The following SLC6A16 variants were observed in gnomAD, a reference collection of about 807,000 sequenced individuals.
SLC6A16 encodes orphan sodium- and chloride-dependent neurotransmitter transporter NTT5.
Under a neutral mutation model 65.4 loss-of-function variants are expected in SLC6A16, and 54 were observed. The ratio of observed to expected loss-of-function variants is 0.83; its 90% CI spans 0.66 to 1.04. The LOEUF (loss-of-function observed/expected upper bound fraction) is 1.04, where lower values mean the gene tolerates loss of function less well. Among genes scored for constraint, SLC6A16 ranks in the 50% least tolerant of loss-of-function variants. The probability of loss-of-function intolerance (pLI) is 0.00; values close to 1 mark genes in which losing one functional copy is unlikely to be tolerated. For synonymous variants in SLC6A16, 330 were observed against 346.5 expected, an observed-to-expected ratio of 0.95 and a Z score of 0.53; for missense variants, 816 against 914.0, an observed-to-expected ratio of 0.89 and a Z score of 1.38.
intron 1 of SLC6A16, among the ~76,000 whole-genome samples, chr19:49,318,580 T>TA (rs1369467276): frequency 6.6e-6 from 1 of 152,136 alleles, no homozygotes; most frequent in Non-Finnish European, 1.5e-5. Flanking sequence ...ACAGAAATGA[T>TA]AGACTAATGG....
chr19:49,316,184 A>T (rs1970610649), intron 1 of SLC6A16, among the ~76,000 whole-genome samples: 2 of 152,308 alleles, frequency 1.3e-5, no homozygotes, highest in East Asian at 1.9e-4. Context: ...TTATAAAATA[A>T]TTTTTTAAAT....
At chr19:49,325,967 G>A (rs1049296527), upstream of SLC6A16, among the ~76,000 whole-genome samples, 1 of 151,650 alleles carries the variant, frequency 6.6e-6, no homozygotes, top group African/African-American at 2.4e-5. Flanking sequence ...TTCGAGACTA[G>A]CTTGGCCAAC....
chr19:49,294,605 GTCT>G lies in SLC6A16; in HGVS notation c.1230-55_1230-53del, dbSNP rs372774497. The G allele has an allele frequency of 7.7e-4, 1,102 of 1,433,610 alleles. 2 individuals carry two copies. In the African/African-American group the frequency reaches 0.015, roughly 19 times the overall value. 88.8% of individuals were successfully genotyped at this position (1,433,610 alleles called of 1,614,324 possible). Reference sequence around the variant, plus strand: ...GAACCATTTGGCCCAGTAGGAGATAGTCTCCTTTTCCCTTATCTTCAAGATAAA... The same window carrying G: ...GAACCATTTGGCCCAGTAGGAGATAGCCTTTTCCCTTATCTTCAAGATAAA... On this transcript the variant is annotated intron_variant, in intron 7 of 11. Coordinates refer to ENST00000335875, the MANE Select transcript of SLC6A16 (RefSeq NM_014037.3).
chr19:49,303,694 C>G (rs1411893111), intron 7 of SLC6A16, among the ~76,000 whole-genome samples: 1 of 151,580 alleles, frequency 6.6e-6, no homozygotes, highest in Non-Finnish European at 1.5e-5. Context: ...AAAAGCCACA[C>G]CATTAGAACT....
rs71180618 is a variant in SLC6A16, at chr19:49,318,868, A to ATTTTT, written c.-65+6175_-65+6179dup. Among the ~76,000 whole-genome samples, 66 of 104,460 alleles carry ATTTTT rather than the reference A, an allele frequency of 6.3e-4. 1 individual carries two copies. Among genetic ancestry groups the ATTTTT allele is most frequent in the Non-Finnish European group, 7.0e-4 (39 of 55,858 alleles). The allele number at this position is 104,460 out of a possible 152,430, so 68.5% of individuals were successfully genotyped here. A position where few individuals can be genotyped will look rare whatever the true frequency, so the allele number is the denominator to read the frequency against. On this transcript the variant is annotated intron_variant, in intron 1 of 11. Transcript: ENST00000335875. The stretch of plus-strand genomic sequence containing the variant: ...CAGGTGTGCACCACCACAACTGGCT[A>ATTTTT]TTTTTTTTTTTTTTTTTTTTTTTTA...
chr19:49,312,508 T>C lies in SLC6A16; in HGVS notation c.-64-1097A>G. On this transcript the variant is annotated intron_variant, in intron 1 of 11. Transcript: ENST00000335875. Reference sequence around the variant, plus strand: ...TCTATCTCCAGCAAAAGGATGGTGTTCTACCTCACATCTAGGGCTATTCTC... The same window carrying C: ...TCTATCTCCAGCAAAAGGATGGTGTCCTACCTCACATCTAGGGCTATTCTC... The C allele has an allele frequency of 7.2e-6, 7 of 967,644 alleles. No homozygotes were observed. In the South Asian group the frequency reaches 3.4e-4, roughly 46 times the overall value. 59.9% of individuals were successfully genotyped at this position (967,644 alleles called of 1,614,324 possible).
At chr19:49,311,778 G>T (rs1222504438) in intron 1 of SLC6A16, among the ~76,000 whole-genome samples, 1 of 150,962 alleles carries the variant, frequency 6.6e-6, no homozygotes, top group African/African-American at 2.4e-5. Context: ...GAACCCAGGA[G>T]GCGTAGGTTG....
chr19:49,308,487 T>C (rs1485131790), intron 7 of SLC6A16, among the ~76,000 whole-genome samples: 2 of 152,100 alleles, frequency 1.3e-5, no homozygotes, highest in Non-Finnish European at 2.9e-5. Flanking sequence ...ATGGGGGCCT[T>C]CTACTTCTCC....
chr19:49,314,617 C>CA (rs1378586068), intron 1 of SLC6A16, among the ~76,000 whole-genome samples: 2 of 151,912 alleles, frequency 1.3e-5, no homozygotes, highest in Admixed American at 6.6e-5. Flanking sequence ...ATATTCCCCC[C>CA]AAAAAAACCC....
chr19:49,305,592 C>CAAAAAAAAAAA, intron 7 of SLC6A16, among the ~76,000 whole-genome samples: 1 of 107,030 alleles, frequency 9.3e-6, no homozygotes, highest in Non-Finnish European at 1.9e-5. Flanking sequence ...AGATCTGTCT[C>CAAAAAAAAAAA]AAAAAAAAAA....
At chr19:49,290,461 G>A (rs1970054826) in intron 11 of SLC6A16, 69 bp from the exon 12 acceptor site, 3 of 1,577,514 alleles carry the variant, frequency 1.9e-6, no homozygotes, top group Admixed American at 3.5e-5. Flanking sequence ...TTGTGGAGGG[G>A]AAGGATGGGT....
upstream of SLC6A16, among the ~76,000 whole-genome samples, chr19:49,328,032 T>C (rs891979199): frequency 2.5e-4 from 38 of 152,144 alleles, no homozygotes; most frequent in African/African-American, 8.9e-4. Flanking sequence ...GAAAGCTATT[T>C]GAGGGTTCTG....
chr19:49,315,195 T>C (rs1276779489), intron 1 of SLC6A16, among the ~76,000 whole-genome samples: 1 of 152,228 alleles, frequency 6.6e-6, no homozygotes, highest in African/African-American at 2.4e-5. Context: ...TCAGTTCACA[T>C]CTCTTTTTCC....
At chr19:49,296,953 C>T (rs1970197920) in intron 7 of SLC6A16, among the ~76,000 whole-genome samples, 1 of 152,136 alleles carries the variant, frequency 6.6e-6, no homozygotes, top group South Asian at 2.1e-4. Context: ...CGTGCCACTG[C>T]ACTCCAGCCT....
chr19:49,327,060 A>C (rs114312863), upstream of SLC6A16, among the ~76,000 whole-genome samples: 2,622 of 148,958 alleles, frequency 0.018, 75 homozygotes, highest in African/African-American at 0.055. Context: ...AGGGCCACAG[A>C]CCTATTTATT....
At chr19:49,296,298 T>C (rs1970185095) in intron 7 of SLC6A16, among the ~76,000 whole-genome samples, 2 of 152,178 alleles carry the variant, frequency 1.3e-5, no homozygotes, top group Non-Finnish European at 2.9e-5. Flanking sequence ...GGGAAGGTAA[T>C]TCTAAAATTT....
chr19:49,290,692 A>C lies in SLC6A16; in HGVS notation c.1854T>G (p.Cys618Trp). The change falls in exon 11 of 12, where the codon TGT (cysteine) becomes TGG (tryptophan). Residue 618 changes from cysteine (C) to tryptophan (W), a missense_variant. Cys to Trp is a radical substitution (Grantham distance 215). Transcript: ENST00000335875. The part of the protein sequence containing the change: ...PIFGWLWPHL[C>W]PVVLLIIFVT... ...CAAAGATGATTAGCAGCACAACTGGACACAGATGGGGCCACAGCCAACCAA... is the reference window on the plus strand; with the variant it reads ...CAAAGATGATTAGCAGCACAACTGGCCACAGATGGGGCCACAGCCAACCAA... The C allele has an allele frequency of 6.2e-7, 1 of 1,613,972 alleles. No individual in the cohort carries two copies. Among genetic ancestry groups the C allele is most frequent in the South Asian group, 1.1e-5 (1 of 91,040 alleles).
At position 49,294,017 on chromosome 19, in the gene SLC6A16, G is replaced by A. The variant is rs200577706; in HGVS notation, c.1428C>T (p.Gly476=). 2 of 1,611,058 alleles carry A rather than the reference G, an allele frequency of 1.2e-6. No individual in the cohort carries two copies. The highest frequency in any genetic ancestry group is 1.3e-5 in the African/African-American group (1 of 75,016). The change falls in exon 9 of 12, where the codon GGC becomes GGT. Residue 476 remains glycine, a synonymous_variant. Coordinates refer to ENST00000335875, the MANE Select transcript of SLC6A16 (RefSeq NM_014037.3). ...CAAAGGACAGGAATGCAAACTTTGGGCCCTCGCTAGCCTGCAAAGAGAACA... is the reference window on the plus strand; with the variant it reads ...CAAAGGACAGGAATGCAAACTTTGGACCCTCGCTAGCCTGCAAAGAGAACA... ...IETQFLKASE[G]PKFAFLSFVE...
At chr19:49,309,585 A>G (rs141640658) in intron 5 of SLC6A16, 66 bp downstream of exon 5, 1 of 1,475,302 alleles carries the variant, frequency 6.8e-7, no homozygotes, top group Non-Finnish European at 9.4e-7. Context: ...GAGATCAACA[A>G]GTAACAAATT....
Sources: allele counts gnomAD v4.1 joint callset (sites outside exome capture counted in the v4.1 genomes callset), GRCh38; gene constraint gnomAD v4.1.1; transcripts MANE v1.5; gene names NCBI Gene and HGNC (gene_info 2026-07-23, HGNC 2026-07-21).